ZNF839: variants seen among roughly 807,000 people sequenced by gnomAD.
ZNF839 encodes the protein renal carcinoma antigen NY-REN-50.
Under a neutral mutation model 56.4 loss-of-function variants are expected in ZNF839, and 38 were observed. The observed-to-expected ratio is 0.67, with a 90% confidence interval of 0.52 to 0.88. The LOEUF (loss-of-function observed/expected upper bound fraction) is 0.88, where lower values mean the gene tolerates loss of function less well. Among genes scored for constraint, ZNF839 ranks in the 40% least tolerant of loss-of-function variants. ZNF839 has a pLI of 0.00. For missense variants in ZNF839, 1,091 were observed against 1,177.6 expected (o/e 0.93, Z 1.08); for synonymous variants, 486 against 493.5 (o/e 0.98, Z 0.20).
intron 2 of ZNF839, among the ~76,000 whole-genome samples, chr14:102,330,717 C>T (rs1188544166): frequency 2.6e-5 from 4 of 151,018 alleles, no homozygotes; most frequent in Non-Finnish European, 5.9e-5. Flanking sequence ...AGGGTTTCAC[C>T]GTGTTGTCTA....
At position 102,324,333 on chromosome 14, in the gene ZNF839, A is replaced by C. The variant is rs568690403; in HGVS notation, c.289-1652A>C. Among the ~76,000 whole-genome samples, 4 of 152,274 alleles carry C rather than the reference A, an allele frequency of 2.6e-5. No individual in the cohort carries two copies. The East Asian group carries it at 7.7e-4, about 29-fold the overall frequency. On this transcript the variant is annotated intron_variant, in intron 1 of 7. Coordinates refer to ENST00000442396, the MANE Select transcript of ZNF839 (RefSeq NM_018335.6). ...GCTGAGGCGGACAGATCATGAGGTC[A>C]GGAGTTTGAGACCACCCTGACCAAC...
chr14:102,332,886 G>T lies in ZNF839; in HGVS notation c.1416+1040G>T, dbSNP rs2073851063. 6.6e-6 allele frequency among the ~76,000 whole-genome samples: 1 copy of T among 152,182 alleles called. No individual in the cohort carries two copies. The highest frequency in any genetic ancestry group is 1.5e-5 in the Non-Finnish European group (1 of 68,032). ...GATCGTGCCATTGCACTCCAGCCTG[G>T]GGGACAAGAACGAGACTTCGTCTCA... is the stretch of plus-strand genomic sequence containing the variant. On this transcript the variant is annotated intron_variant, in intron 3 of 7. Transcript: ENST00000442396. The surrounding 1 kb of genome is among the most constrained non-coding windows in gnomAD (Gnocchi z 4.9).
At chr14:102,321,251 CG>C (rs1324789916) in intron 1 of ZNF839, among the ~76,000 whole-genome samples, 2 of 152,202 alleles carry the variant, frequency 1.3e-5, no homozygotes, top group African/African-American at 4.8e-5. Context: ...CGGCGCTGTG[CG>C]GGGCCGCTCA....
rs1457839912 is a variant in ZNF839, at chr14:102,331,773, C to T, written c.1343C>T (p.Ala448Val). Residue 448 changes from alanine (A) to valine (V), a missense_variant, in exon 3 of 8, where the codon GCT becomes GTT. Transcript: ENST00000442396. ...SRTAVLQQRR[A>V]AQLPGGPAAA... The stretch of plus-strand genomic sequence containing the variant: ...ACAGCTGTCCTCCAGCAGAGAAGAG[C>T]TGCTCAGCTACCTGGTGGCCCTGCT... The T allele has an allele frequency of 1.2e-6, 2 of 1,600,166 alleles. No individual in the cohort carries two copies. Among genetic ancestry groups the T allele is most frequent in the South Asian group, 1.1e-5 (1 of 88,904 alleles).
chr14:102,326,903 G>A lies in ZNF839; in HGVS notation c.1191+16G>A, dbSNP rs1397647368. ...TGGCCTGCAGGTAATGTTTCTGTCTGGGTATGTGTCTTTTTATTTGGCCGT... is the reference window on the plus strand; with the variant it reads ...TGGCCTGCAGGTAATGTTTCTGTCTAGGTATGTGTCTTTTTATTTGGCCGT... On this transcript the variant is annotated intron_variant, in intron 2 of 7. Coordinates refer to ENST00000442396, the MANE Select transcript of ZNF839 (RefSeq NM_018335.6). The surrounding 1 kb of genome is among the most constrained non-coding windows in gnomAD (Gnocchi z 4.3). 6.4e-7 allele frequency: 1 copy of A among 1,567,840 alleles called. No homozygotes were observed. The highest frequency in any genetic ancestry group is 8.7e-7 in the Non-Finnish European group (1 of 1,156,016).
At chr14:102,328,885 A>G (rs2073617865) in intron 2 of ZNF839, among the ~76,000 whole-genome samples, 1 of 151,984 alleles carries the variant, frequency 6.6e-6, no homozygotes, top group Admixed American at 6.6e-5. Flanking sequence ...GTCAGTGGAC[A>G]CTTGGGTTGC....
chr14:102,325,879 G>A (rs2073381141), intron 1 of ZNF839, 106 bp from the exon 2 acceptor site: 1 of 1,314,610 alleles, frequency 7.6e-7, no homozygotes, highest in South Asian at 1.4e-5. Context: ...TATGTAAGAT[G>A]TAATTTAGAA....
chr14:102,325,958 T>G, intron 1 of ZNF839, 27 bp from the exon 2 acceptor site: 1 of 1,602,036 alleles, frequency 6.2e-7, no homozygotes, highest in Non-Finnish European at 8.5e-7. Flanking sequence ...ATGCTTCTTT[T>G]CTCTTTCTTG....
At chr14:102,337,563 A>C (rs986508822) in intron 5 of ZNF839, 3 of 151,790 alleles carry the variant, frequency 2.0e-5, no homozygotes, top group African/African-American at 7.3e-5. Flanking sequence ...TGTTTTTTAA[A>C]CTCTTGAGTT....
At chr14:102,338,033 G>A (rs1173784508) in intron 5 of ZNF839, among the ~76,000 whole-genome samples, 1 of 152,200 alleles carries the variant, frequency 6.6e-6, no homozygotes, top group African/African-American at 2.4e-5. Flanking sequence ...GCCATGGGCA[G>A]AGAAGCTGGG....
chr14:102,319,515 G>A (rs540775845), upstream of ZNF839: 1 of 365,018 alleles, frequency 2.7e-6, no homozygotes, highest in East Asian at 4.6e-5. The surrounding 1 kb of genome is among the most constrained non-coding windows in gnomAD (Gnocchi z 4.5). Context: ...AGCTCCCAGA[G>A]AAGGTGAGTC....
rs755877199 is a variant in ZNF839, at chr14:102,328,394, ATATATATATATATATAT to A, written c.1191+1508_1191+1524del. On this transcript the variant is annotated intron_variant, in intron 2 of 7. Transcript: ENST00000442396. ...AAAAAAAATATATATATATATATAT[ATATATATATATATATAT>A]GTATACACACACACACATATAGTAG... Among the ~76,000 whole-genome samples, 820 of 105,816 alleles carry A rather than the reference ATATATATATATATATAT, an allele frequency of 7.7e-3. 21 individuals are homozygous for A. Among genetic ancestry groups the A allele is most frequent in the East Asian group, 0.049 (169 of 3,468 alleles). 69.4% of individuals were successfully genotyped at this position (105,816 alleles called of 152,430 possible).
In ZNF839 at chr14:102,326,788, G is replaced by A. The variant is rs1185613609; in HGVS notation, c.1092G>A (p.Thr364=). 2.5e-6 allele frequency: 4 copies of A among 1,612,292 alleles called. No individual in the cohort carries two copies. The highest frequency in any genetic ancestry group is 1.3e-5 in the African/African-American group (1 of 74,996). ...STLRGCTEER[T]LSLTSLGLSM... The stretch of plus-strand genomic sequence containing the variant: ...TCCGGGGGTGCACGGAGGAAAGGAC[G>A]CTCAGCCTGACCTCCCTGGGGCTGT... Residue 364 remains threonine, a synonymous_variant, in exon 2 of 8, where the codon ACG becomes ACA. Coordinates refer to ENST00000442396, the MANE Select transcript of ZNF839 (RefSeq NM_018335.6). The surrounding 1 kb of genome is among the most constrained non-coding windows in gnomAD (Gnocchi z 4.3).
At chr14:102,320,833 A>C (rs2073090201) in intron 1 of ZNF839, among the ~76,000 whole-genome samples, 1 of 152,174 alleles carries the variant, frequency 6.6e-6, no homozygotes. Context: ...CCAACTCCGG[A>C]GGGTGAAGCA....
At chr14:102,336,693 C>T in intron 5 of ZNF839, 1 of 408,544 alleles carries the variant, frequency 2.4e-6, no homozygotes, top group South Asian at 1.8e-5. Context: ...TCTTCCCACT[C>T]ACTGATGATC....
At chr14:102,334,774 T>TG (rs1473792242) in intron 4 of ZNF839, 128 bp downstream of exon 4, 1 of 427,102 alleles carries the variant, frequency 2.3e-6, no homozygotes, top group Non-Finnish European at 3.7e-6. Flanking sequence ...GACAGGGTCT[T>TG]GCTCTGTCGC....
At chr14:102,319,691 G>C, upstream of ZNF839, 20 of 1,216,502 alleles carry the variant, frequency 1.6e-5, no homozygotes, top group Non-Finnish European at 2.0e-5. The surrounding 1 kb of genome is among the most constrained non-coding windows in gnomAD (Gnocchi z 4.5). Flanking sequence ...CTCGTAGCCC[G>C]CCCCTCTCCT....
At chr14:102,322,890 C>T (rs773813241) in intron 1 of ZNF839, among the ~76,000 whole-genome samples, 2 of 152,194 alleles carry the variant, frequency 1.3e-5, no homozygotes, top group Non-Finnish European at 2.9e-5. Context: ...GAAGGATATG[C>T]GCAGTCAATC....
rs1196835809 is a variant in ZNF839, at chr14:102,339,235, A to G, written c.1927+12A>G. 1.9e-6 allele frequency: 3 copies of G among 1,608,278 alleles called. No individual in the cohort carries two copies. The highest frequency in any genetic ancestry group is 2.5e-6 in the Non-Finnish European group (3 of 1,177,554). On this transcript the variant is annotated intron_variant, in intron 7 of 7. Transcript: ENST00000442396. ...TGCTTTGGCCGCTGGTGAGGGTAAAATGCTGTTTGTGGGGTGTATCCATGG... is the reference window on the plus strand; with the variant it reads ...TGCTTTGGCCGCTGGTGAGGGTAAAGTGCTGTTTGTGGGGTGTATCCATGG...
Sources: gnomAD v4.1 joint callset for allele counts (sites outside exome capture counted in the v4.1 genomes callset) on GRCh38, gnomAD v4.1.1 for gene constraint, Gnocchi (gnomAD v3.1) non-coding constraint, MANE v1.5 for transcripts, NCBI Gene and HGNC (gene_info 2026-07-23, HGNC 2026-07-21) for gene names.